CRACR2A: variants seen among roughly 807,000 people sequenced by gnomAD.
The protein encoded by CRACR2A is EF-hand calcium-binding domain-containing protein 4B.
Under a neutral mutation model 90.5 loss-of-function variants are expected in CRACR2A, and 79 were observed. The observed-to-expected ratio is 0.87, with a 90% CI of 0.73 to 1.05. CRACR2A has a LOEUF of 1.05. Among genes scored for constraint, CRACR2A ranks in the 50% least tolerant of loss-of-function variants. CRACR2A has a pLI of 0.00. For missense variants in CRACR2A, 823 were observed against 897.2 expected (o/e 0.92, Z 1.06); for synonymous variants, 338 against 356.7 (o/e 0.95, Z 0.59).
intron 7 of CRACR2A, among the ~76,000 whole-genome samples, chr12:3,667,481 C>T (rs1401511584): frequency 1.3e-5 from 2 of 152,164 alleles, no homozygotes; most frequent in East Asian, 3.9e-4. Flanking sequence ...GGGCTTGACT[C>T]CCATTCCCCC....
At chr12:3,690,421 A>G (rs1452385051) in intron 4 of CRACR2A, among the ~76,000 whole-genome samples, 4 of 152,178 alleles carry the variant, frequency 2.6e-5, no homozygotes, top group Non-Finnish European at 5.9e-5. Context: ...TAATTACCCC[A>G]AAGTCATTCA....
chr12:3,681,184 C>G (rs1343428161), intron 4 of CRACR2A, among the ~76,000 whole-genome samples: 2 of 152,226 alleles, frequency 1.3e-5, no homozygotes, highest in Non-Finnish European at 2.9e-5. Flanking sequence ...ATGGGATAAT[C>G]CCCCTTCCTA....
intron 19 of CRACR2A, among the ~76,000 whole-genome samples, chr12:3,615,871 C>T (rs1051601666): frequency 2.6e-5 from 4 of 152,214 alleles, no homozygotes; most frequent in African/African-American, 9.7e-5. Context: ...AACCAGCACA[C>T]AGGTGAGGCT....
chr12:3,636,477 C>T (rs901452350), intron 14 of CRACR2A, among the ~76,000 whole-genome samples: 2 of 152,208 alleles, frequency 1.3e-5, no homozygotes, highest in African/African-American at 4.8e-5. Context: ...GGCCTCTCTC[C>T]CCTCTGAGCT....
chr12:3,743,555 T>A lies in CRACR2A; in HGVS notation c.-387+9460A>T, dbSNP rs550577594. 1.7e-4 allele frequency among the ~76,000 whole-genome samples: 26 copies of A among 152,258 alleles called. No homozygotes were observed. In the South Asian group the frequency reaches 5.4e-3, roughly 32 times the overall value. ...AACAGCCTGGGGGAGGTGTCCACGG[T>A]GCAGGTGTCTATACCGGGACTAGGT... On this transcript the variant is annotated intron_variant, in intron 1 of 19. Transcript: ENST00000440314.
chr12:3,627,958 CTG>C lies in CRACR2A; in HGVS notation c.1736-254_1736-253del, dbSNP rs1208727724. Among the ~76,000 whole-genome samples, 8 of 152,218 alleles carry C rather than the reference CTG, an allele frequency of 5.3e-5. No individual in the cohort carries two copies. The South Asian group carries it at 1.0e-3, about 20-fold the overall frequency. On this transcript the variant is annotated intron_variant, in intron 15 of 19. Transcript: ENST00000440314. ...GATCAAATCACTTAACCACTCTGAA[CTG>C]TGGGCTCTTCACTGTAATACAAGCC...
At chr12:3,734,009 C>A in intron 1 of CRACR2A, among the ~76,000 whole-genome samples, 1 of 131,950 alleles carries the variant, frequency 7.6e-6, no homozygotes, top group East Asian at 2.2e-4. Context: ...CTCGCTCTGT[C>A]GCCCAGGCTG....
At chr12:3,660,887 CAA>C (rs1565479291) in intron 7 of CRACR2A, among the ~76,000 whole-genome samples, 1 of 118,868 alleles carries the variant, frequency 8.4e-6, no homozygotes, top group African/African-American at 3.3e-5. Flanking sequence ...CACACACACA[CAA>C]TTTTGGCCCC....
chr12:3,688,193 T>C (rs932110362), intron 4 of CRACR2A, among the ~76,000 whole-genome samples: 5 of 152,218 alleles, frequency 3.3e-5, no homozygotes, highest in Non-Finnish European at 7.3e-5. Context: ...TTTAGTTTAA[T>C]TAGATTCCAT....
chr12:3,644,687 G>T, intron 11 of CRACR2A, 47 bp from the exon 12 acceptor site: 1 of 1,540,734 alleles, frequency 6.5e-7, no homozygotes, highest in South Asian at 1.2e-5. Context: ...GTTTGCAGTT[G>T]ACAGATCCAA....
intron 10 of CRACR2A, among the ~76,000 whole-genome samples, chr12:3,653,107 C>A (rs574160859): frequency 1.3e-5 from 2 of 152,132 alleles, no homozygotes; most frequent in Non-Finnish European, 2.9e-5. Flanking sequence ...CTCAGCCTCC[C>A]GAGTAGCTGA....
intron 17 of CRACR2A, among the ~76,000 whole-genome samples, chr12:3,620,640 T>G (rs1944112591): frequency 6.6e-6 from 1 of 152,224 alleles, no homozygotes; most frequent in Non-Finnish European, 1.5e-5. Flanking sequence ...TTATGAGAAC[T>G]CTTTAGTATA....
At chr12:3,680,437 T>C (rs1945427068) in intron 4 of CRACR2A, 88 bp from the exon 5 acceptor site, 2 of 1,165,118 alleles carry the variant, frequency 1.7e-6, no homozygotes, top group Non-Finnish European at 2.5e-6. Context: ...TGCCAGAAAG[T>C]GTCTAGAGTT....
intron 13 of CRACR2A, chr12:3,640,813 T>G (rs1944552584): frequency 7.7e-7 from 1 of 1,304,446 alleles, no homozygotes; most frequent in South Asian, 1.2e-5. Context: ...AAATGAAGAG[T>G]GGGCAGGGGA....
intron 7 of CRACR2A, among the ~76,000 whole-genome samples, chr12:3,660,933 G>A (rs1240129355): frequency 2.0e-5 from 3 of 150,934 alleles, no homozygotes; most frequent in Admixed American, 1.3e-4. Flanking sequence ...CAAGCCCACT[G>A]TGCCCTTTAT....
At chr12:3,731,913 G>A (rs1946366064) in intron 2 of CRACR2A, 1 of 152,276 alleles carries the variant, frequency 6.6e-6, no homozygotes, top group East Asian at 1.9e-4. Context: ...GGCAAGGAGG[G>A]GCCTCCTATA....
chr12:3,624,032 A>G (rs1366678245), intron 17 of CRACR2A, among the ~76,000 whole-genome samples: 1 of 152,164 alleles, frequency 6.6e-6, no homozygotes, highest in East Asian at 1.9e-4. Flanking sequence ...TGATTGGCCA[A>G]AGTTTCATGG....
chr12:3,749,260 T>C, intron 1 of CRACR2A, among the ~76,000 whole-genome samples: 1 of 152,240 alleles, frequency 6.6e-6, no homozygotes. Context: ...ATCCTGGCTA[T>C]GCTTGTGGTC....
At chr12:3,623,704 G>A (rs1374577744) in intron 17 of CRACR2A, among the ~76,000 whole-genome samples, 1 of 152,198 alleles carries the variant, frequency 6.6e-6, no homozygotes, top group Non-Finnish European at 1.5e-5. Context: ...TTCCTATAAG[G>A]CACTCAGGAG....
Sources: gnomAD v4.1 joint callset for allele counts (sites outside exome capture counted in the v4.1 genomes callset) on GRCh38, gnomAD v4.1.1 for gene constraint, MANE v1.5 for transcripts, NCBI Gene and HGNC (gene_info 2026-07-23, HGNC 2026-07-21) for gene names.